Variants in PTK2B observed in about 807,000 individuals in gnomAD.
The protein encoded by PTK2B is protein-tyrosine kinase 2-beta.
In PTK2B, 71 loss-of-function variants were observed where a neutral mutation model predicts 142.9. The ratio of observed to expected loss-of-function variants is 0.50; its 90% CI spans 0.41 to 0.61. The LOEUF is 0.61. Ranked by LOEUF, PTK2B falls within the 20% of genes least tolerant of loss-of-function variation. PTK2B has a pLI of 0.00. For synonymous variants in PTK2B, 519 were observed against 503.4 expected (o/e 1.03, Z -0.42); for missense variants, 1,105 against 1,320.4 (o/e 0.84, Z 2.53).
chr8:27,373,612 T>C (rs1806489264), intron 1 of PTK2B, among the ~76,000 whole-genome samples: 1 of 151,918 alleles, frequency 6.6e-6, no homozygotes, highest in Non-Finnish European at 1.5e-5. Context: ...AGGCCAGAAG[T>C]TGGAGGTTAC....
At chr8:27,451,180 C>T (rs951549337) in intron 26 of PTK2B, 102 bp downstream of exon 26, 1 of 1,356,382 alleles carries the variant, frequency 7.4e-7, no homozygotes, top group Non-Finnish European at 1.0e-6. Flanking sequence ...CAGGCCTGCC[C>T]AGCTCCTCCT....
intron 1 of PTK2B, among the ~76,000 whole-genome samples, chr8:27,362,094 C>G (rs1805742888): frequency 6.6e-6 from 1 of 152,206 alleles, no homozygotes; most frequent in Non-Finnish European, 1.5e-5. Flanking sequence ...ACACAAATCG[C>G]TGACCTGTCT....
intron 1 of PTK2B, among the ~76,000 whole-genome samples, chr8:27,349,590 C>T (rs1039630711): frequency 2.6e-5 from 4 of 152,192 alleles, no homozygotes; most frequent in African/African-American, 4.8e-5. Flanking sequence ...CCAACAGCCC[C>T]GAGATTCCTT....
chr8:27,435,875 A>G (rs977418303), intron 14 of PTK2B, 82 bp downstream of exon 14: 16 of 1,486,596 alleles, frequency 1.1e-5, no homozygotes, highest in Non-Finnish European at 1.5e-5. Flanking sequence ...CACCACAGGG[A>G]ACATTCTTTT....
chr8:27,440,474 C>T (rs369160458), intron 21 of PTK2B, 33 bp downstream of exon 21: 62 of 1,603,806 alleles, frequency 3.9e-5, no homozygotes, highest in Non-Finnish European at 5.0e-5. Context: ...GGGCTGGGGG[C>T]CCACCCGGCT....
At chr8:27,402,091 A>G (rs1004170377) in intron 2 of PTK2B, among the ~76,000 whole-genome samples, 1 of 152,250 alleles carries the variant, frequency 6.6e-6, no homozygotes, top group African/African-American at 2.4e-5. Context: ...GCAAATTGCC[A>G]GTAAGGGGGG....
intron 2 of PTK2B, among the ~76,000 whole-genome samples, chr8:27,411,764 CT>C (rs1356648939): frequency 1.3e-5 from 2 of 152,170 alleles, no homozygotes; most frequent in African/African-American, 4.8e-5. Flanking sequence ...CAGTGCACTT[CT>C]AGAGTTAGCT....
In PTK2B at chr8:27,364,166, T is replaced by C. The variant is rs568662935; in HGVS notation, c.-37-33382T>C. On this transcript the variant is annotated intron_variant, in intron 1 of 30. Coordinates refer to ENST00000346049, the MANE Select transcript of PTK2B (RefSeq NM_173176.3). ...GTGCATGACTAGCAAGGGATAGAGCTGTGGCTTGTGCTCAGCTTTGCCCTC... is the reference window on the plus strand; with the variant it reads ...GTGCATGACTAGCAAGGGATAGAGCCGTGGCTTGTGCTCAGCTTTGCCCTC... Among the ~76,000 whole-genome samples, 28 of 152,344 alleles carry C rather than the reference T, an allele frequency of 1.8e-4. 1 individual carries two copies. In the South Asian group the frequency reaches 5.8e-3, roughly 32 times the overall value.
intron 3 of PTK2B, among the ~76,000 whole-genome samples, chr8:27,314,109 C>T (rs1462558838): frequency 1.3e-5 from 2 of 152,218 alleles, no homozygotes; most frequent in African/African-American, 4.8e-5. Context: ...AAAATCTAGA[C>T]AGACAGGCCT....
intron 1 of PTK2B, among the ~76,000 whole-genome samples, chr8:27,329,862 C>G (rs1236299233): frequency 6.6e-6 from 1 of 152,102 alleles, no homozygotes; most frequent in African/African-American, 2.4e-5. Context: ...CCCTAGCTTC[C>G]TATTTGCAAG....
intron 3 of PTK2B, among the ~76,000 whole-genome samples, chr8:27,314,692 C>T (rs541693772): frequency 2.0e-5 from 3 of 152,346 alleles, no homozygotes; most frequent in African/African-American, 4.8e-5. Flanking sequence ...TATCTCAGGC[C>T]GGTTCCCACA....
intron 21 of PTK2B, among the ~76,000 whole-genome samples, chr8:27,441,760 A>G (rs9773817): frequency 0.15 from 22,273 of 152,232 alleles, 1,704 homozygotes; most frequent in African/African-American, 0.18. Flanking sequence ...GCTGCAGGAT[A>G]AAAGTATTTG....
intron 1 of PTK2B, among the ~76,000 whole-genome samples, chr8:27,338,273 G>A (rs1804196027): frequency 6.6e-6 from 1 of 152,066 alleles, no homozygotes. Context: ...TTAAAGGTTT[G>A]TTTACAACAT....
chr8:27,419,942 C>T lies in PTK2B; in HGVS notation c.252C>T (p.Ile84=). ...ILLSGRIGPN[I]RLAECYGLRL... ...TGAGCGGGCGGATCGGGCCCAACAT[C>T]CGGTTGGCTGAGTGCTATGGGCTGA... Residue 84 remains isoleucine (I), a synonymous_variant, in exon 3 of 31, where the codon ATC becomes ATT. Transcript: ENST00000346049. 6.2e-7 allele frequency: 1 copy of T among 1,614,240 alleles called. No individual in the cohort carries two copies. The highest frequency in any genetic ancestry group is 1.3e-5 in the African/African-American group (1 of 75,068).
intron 1 of PTK2B, among the ~76,000 whole-genome samples, chr8:27,338,757 G>C (rs1177700885): frequency 6.6e-6 from 1 of 152,178 alleles, no homozygotes; most frequent in Admixed American, 6.5e-5. Flanking sequence ...GATTCTGTAA[G>C]GGCTTGGATA....
chr8:27,359,082 C>T (rs1805548201), intron 1 of PTK2B, among the ~76,000 whole-genome samples: 1 of 152,068 alleles, frequency 6.6e-6, no homozygotes, highest in Non-Finnish European at 1.5e-5. Flanking sequence ...TTGGACTTTG[C>T]ATACCTTCTT....
At chr8:27,382,167 T>C (rs540040092) in intron 1 of PTK2B, among the ~76,000 whole-genome samples, 2 of 152,220 alleles carry the variant, frequency 1.3e-5, no homozygotes, top group Non-Finnish European at 2.9e-5. Context: ...AGGCTGGTCT[T>C]GAACTCCTGT....
chr8:27,451,221 T>C, intron 26 of PTK2B, 143 bp downstream of exon 26: 1 of 1,106,600 alleles, frequency 9.0e-7, no homozygotes, highest in Non-Finnish European at 1.3e-6. Context: ...AGGGTGTCTT[T>C]TCCTTTTCTG....
At chr8:27,329,385 G>A (rs1034296311) in intron 1 of PTK2B, among the ~76,000 whole-genome samples, 9 of 152,252 alleles carry the variant, frequency 5.9e-5, no homozygotes, top group Middle Eastern at 3.4e-3. Context: ...GCTCTCCATA[G>A]TGACGACAGT....
Sources: gnomAD v4.1 joint callset for allele counts (sites outside exome capture counted in the v4.1 genomes callset) on GRCh38, gnomAD v4.1.1 for gene constraint, MANE v1.5 for transcripts, NCBI Gene and HGNC (gene_info 2026-07-23, HGNC 2026-07-21) for gene names.